Variants in OR1J2 observed in about 807,000 individuals in gnomAD.
OR1J2 encodes olfactory receptor family 1 subfamily J member 2, also known as olfactory receptor 1J2.
For synonymous variants in OR1J2, 142 were observed against 99.7 expected (o/e 1.42, Z -2.52); for missense variants, 304 against 246.1 (o/e 1.24, Z -1.57).
the OR1J2 span, among the ~76,000 whole-genome samples, chr9:122,547,464 A>G: frequency 1.3e-5 from 2 of 152,128 alleles, no homozygotes; most frequent in African/African-American, 4.8e-5. Flanking sequence ...CTGGGCTTTT[A>G]GTGTAACTAT....
chr9:122,477,467 C>A, the OR1J2 span: 1 of 1,613,954 alleles, frequency 6.2e-7, no homozygotes, highest in East Asian at 2.2e-5. Context: ...AGAGCACACG[C>A]ACAAGCGATG....
At chr9:122,476,300 A>G in the OR1J2 span, among the ~76,000 whole-genome samples, 1 of 152,228 alleles carries the variant, frequency 6.6e-6, no homozygotes, top group Admixed American at 6.5e-5. Context: ...TGGGCGAAAG[A>G]GGAGCCATAT....
chr9:122,469,166 A>C, the OR1J2 span, among the ~76,000 whole-genome samples: 1 of 152,190 alleles, frequency 6.6e-6, no homozygotes, highest in African/African-American at 2.4e-5. Context: ...CAGGAAAGAC[A>C]ATGTTTATGT....
At chr9:122,534,048 T>C in the OR1J2 span, among the ~76,000 whole-genome samples, 2 of 152,178 alleles carry the variant, frequency 1.3e-5, no homozygotes, top group East Asian at 1.9e-4. Flanking sequence ...GGAGGAATCA[T>C]GGGCTGCCGG....
chr9:122,478,357 G>A, the OR1J2 span, among the ~76,000 whole-genome samples: 1 of 152,126 alleles, frequency 6.6e-6, no homozygotes, highest in Non-Finnish European at 1.5e-5. Context: ...GAAGTATCTT[G>A]ACTCCATAGT....
At chr9:122,473,845 C>T in the OR1J2 span, among the ~76,000 whole-genome samples, 10 of 152,152 alleles carry the variant, frequency 6.6e-5, no homozygotes, top group South Asian at 2.1e-4. Flanking sequence ...TTATTTGCTA[C>T]CCTAGGAATT....
the OR1J2 span, among the ~76,000 whole-genome samples, chr9:122,473,156 T>TA: frequency 6.6e-6 from 1 of 152,222 alleles, no homozygotes; most frequent in Admixed American, 6.5e-5. Context: ...GGATCTGTCA[T>TA]AAAAAATCCT....
the OR1J2 span, among the ~76,000 whole-genome samples, chr9:122,543,728 A>T: frequency 6.6e-6 from 1 of 152,278 alleles, no homozygotes; most frequent in Non-Finnish European, 1.5e-5. Flanking sequence ...CTAACTTCCT[A>T]CCCATAAGGT....
At chr9:122,535,860 T>C in the OR1J2 span, among the ~76,000 whole-genome samples, 1 of 151,840 alleles carries the variant, frequency 6.6e-6, no homozygotes, top group Non-Finnish European at 1.5e-5. Context: ...CAAAGGGAGA[T>C]AGGGGTGGGG....
At chr9:122,483,503 A>T in the OR1J2 span, among the ~76,000 whole-genome samples, 1 of 152,234 alleles carries the variant, frequency 6.6e-6, no homozygotes, top group Non-Finnish European at 1.5e-5. Context: ...ATGCTCGTGT[A>T]ATATATCAAT....
chr9:122,530,945 G>A, the OR1J2 span, among the ~76,000 whole-genome samples: 1 of 152,142 alleles, frequency 6.6e-6, no homozygotes, highest in Non-Finnish European at 1.5e-5. Flanking sequence ...CTGGCCATCC[G>A]GATGTGTACG....
At chr9:122,447,985 AC>A in the OR1J2 span, among the ~76,000 whole-genome samples, 1 of 152,176 alleles carries the variant, frequency 6.6e-6, no homozygotes, top group Non-Finnish European at 1.5e-5. Flanking sequence ...GGGATGAGAG[AC>A]TGAGAAAAGA....
At chr9:122,517,832 G>A in the OR1J2 span, among the ~76,000 whole-genome samples, 1 of 152,014 alleles carries the variant, frequency 6.6e-6, no homozygotes, top group African/African-American at 2.4e-5. Context: ...TAGGTATTAA[G>A]CCTGGCATTC....
At chr9:122,474,021 C>T in the OR1J2 span, among the ~76,000 whole-genome samples, 1 of 152,160 alleles carries the variant, frequency 6.6e-6, no homozygotes, top group Non-Finnish European at 1.5e-5. Flanking sequence ...TAAGTTGAAA[C>T]TCAGTTACAT....
chr9:122,472,042 C>CT, the OR1J2 span, among the ~76,000 whole-genome samples: 1 of 152,196 alleles, frequency 6.6e-6, no homozygotes, highest in Non-Finnish European at 1.5e-5. Context: ...TTATTTTACC[C>CT]TGCCCTACAT....
At chr9:122,539,791 T>A in the OR1J2 span, among the ~76,000 whole-genome samples, 1 of 152,226 alleles carries the variant, frequency 6.6e-6, no homozygotes, top group Non-Finnish European at 1.5e-5. Flanking sequence ...TTCCTGACTT[T>A]TTAATGATCG....
At chr9:122,558,983 A>G in the OR1J2 span, among the ~76,000 whole-genome samples, 5 of 152,240 alleles carry the variant, frequency 3.3e-5, no homozygotes, top group South Asian at 1.0e-3. Context: ...ACCTGTATAC[A>G]TTGTGTAATA....
chr9:122,487,867 T>C, the OR1J2 span, among the ~76,000 whole-genome samples: 2 of 152,222 alleles, frequency 1.3e-5, no homozygotes, highest in Non-Finnish European at 2.9e-5. Context: ...TAAGAACTTT[T>C]ATTATGTACA....
chr9:122,538,758 A>G, the OR1J2 span, among the ~76,000 whole-genome samples: 1 of 152,212 alleles, frequency 6.6e-6, no homozygotes, highest in Non-Finnish European at 1.5e-5. Flanking sequence ...ACATGGATGG[A>G]TCCTAAGTGA....
Sources: allele counts gnomAD v4.1 joint callset (sites outside exome capture counted in the v4.1 genomes callset), GRCh38; gene constraint gnomAD v4.1.1; transcripts MANE v1.5; gene names NCBI Gene and HGNC (gene_info 2026-07-23, HGNC 2026-07-21).